The following SEMA3C variants were observed in gnomAD, a reference collection of about 807,000 sequenced individuals.
The protein encoded by SEMA3C is semaphorin-3C.
A neutral mutation model predicts 89.4 loss-of-function variants in SEMA3C; 47 were observed. The observed-to-expected ratio is 0.53, with a 90% CI of 0.42 to 0.67. The LOEUF is 0.67. SEMA3C is among the 30% of genes least tolerant of loss of function. SEMA3C has a pLI of 0.00. For synonymous variants in SEMA3C, 310 were observed against 320.2 expected, an observed-to-expected ratio of 0.97 and a Z score of 0.34; for missense variants, 839 against 929.1, an observed-to-expected ratio of 0.90 and a Z score of 1.26.
chr7:80,857,451 T>G (rs1270187128), intron 2 of SEMA3C, among the ~76,000 whole-genome samples: 1 of 152,196 alleles, frequency 6.6e-6, no homozygotes, highest in Non-Finnish European at 1.5e-5. Context: ...AATTATATGA[T>G]TCACTGCTAA....
At chr7:80,790,407 GTTAAA>G (rs145674549) in intron 11 of SEMA3C, among the ~76,000 whole-genome samples, 2,381 of 152,192 alleles carry the variant, frequency 0.016, 58 homozygotes, top group Admixed American at 0.068. Flanking sequence ...GATTGGATGT[GTTAAA>G]TTAAATCTGG....
chr7:80,745,373 T>C, intron 17 of SEMA3C, 66 bp from the exon 18 acceptor site: 1 of 1,428,832 alleles, frequency 7.0e-7, no homozygotes, highest in Non-Finnish European at 9.7e-7. Flanking sequence ...ATGACCAACA[T>C]ACACAGAATA....
At chr7:80,801,062 A>T (rs958281487) in intron 9 of SEMA3C, among the ~76,000 whole-genome samples, 1 of 152,120 alleles carries the variant, frequency 6.6e-6, no homozygotes, top group Non-Finnish European at 1.5e-5. Context: ...TGCTAGTAAA[A>T]TAATATTATG....
intron 2 of SEMA3C, among the ~76,000 whole-genome samples, chr7:80,842,808 T>C (rs1790300459): frequency 6.6e-6 from 1 of 152,128 alleles, no homozygotes; most frequent in Non-Finnish European, 1.5e-5. Context: ...TGCCATACAA[T>C]CAGAAGAGCA....
At chr7:80,758,589 T>C (rs1455528851) in intron 14 of SEMA3C, 101 bp from the exon 15 acceptor site, 1 of 1,172,374 alleles carries the variant, frequency 8.5e-7, no homozygotes, top group Non-Finnish European at 1.2e-6. Flanking sequence ...CTTGGATTCA[T>C]TTTGGAACCG....
Position 80,918,849 on chromosome 7 carries a change from C to G in SEMA3C, c.-60G>C. ...TTACCGAGGTTGAAAGAAATCAGCA[C>G]GGAAAAGTCATCAGTTTGCTACCGG... On this transcript the variant is annotated 5_prime_UTR_variant, in exon 1 of 18. Transcript: ENST00000265361. 1 of 985,460 alleles carries G rather than the reference C, an allele frequency of 1.0e-6. No homozygotes were observed. The highest frequency in any genetic ancestry group is 1.1e-4 in the East Asian group (1 of 8,814). 61.0% of individuals were successfully genotyped at this position (985,460 alleles called of 1,614,324 possible).
At chr7:80,813,013 C>A (rs1301628827) in intron 5 of SEMA3C, among the ~76,000 whole-genome samples, 1 of 149,818 alleles carries the variant, frequency 6.7e-6, no homozygotes, top group African/African-American at 2.5e-5. Flanking sequence ...CGCCATGTTC[C>A]CCGGGCTGGT....
chr7:80,754,667 C>T (rs1413866448), intron 15 of SEMA3C, among the ~76,000 whole-genome samples: 1 of 152,104 alleles, frequency 6.6e-6, no homozygotes. Context: ...ATATGCTAGT[C>T]AAAGATAAAT....
At chr7:80,842,436 T>G (rs1189468736) in intron 2 of SEMA3C, among the ~76,000 whole-genome samples, 1 of 152,132 alleles carries the variant, frequency 6.6e-6, no homozygotes, top group Non-Finnish European at 1.5e-5. Context: ...TAGCAGAATA[T>G]GAGACTCAAA....
At chr7:80,802,569 A>G in intron 9 of SEMA3C, 96 bp downstream of exon 9, 1 of 708,498 alleles carries the variant, frequency 1.4e-6, no homozygotes, top group Non-Finnish European at 2.3e-6. Context: ...TTATGCTGAA[A>G]ATATGGAAAG....
intron 2 of SEMA3C, among the ~76,000 whole-genome samples, chr7:80,880,733 T>G (rs1791315230): frequency 6.6e-6 from 1 of 152,118 alleles, no homozygotes; most frequent in Admixed American, 6.5e-5. Context: ...CAGATCAGCC[T>G]GGCCACCATG....
chr7:80,816,186 T>G (rs1292360526), intron 5 of SEMA3C: 1 of 152,146 alleles, frequency 6.6e-6, no homozygotes, highest in Non-Finnish European at 1.5e-5. Flanking sequence ...CAAAAGCATG[T>G]GATGCTCCAA....
At chr7:80,781,825 C>G (rs1788697415) in intron 12 of SEMA3C, among the ~76,000 whole-genome samples, 1 of 152,122 alleles carries the variant, frequency 6.6e-6, no homozygotes, top group Non-Finnish European at 1.5e-5. Context: ...GGGATGTGGT[C>G]TGACTGTAAT....
At position 80,918,880 on chromosome 7, in the gene SEMA3C, G is replaced by A. The variant is rs1417805262; in HGVS notation, c.-91C>T. ...AGTCATCAGTTTGCTACCGGGGTTG[G>A]ATGCGCTTGTGTCTCCAGTCCTTTT... is the stretch of plus-strand genomic sequence containing the variant. On this transcript the variant is annotated 5_prime_UTR_variant, in exon 1 of 18. Transcript: ENST00000265361. The A allele has an allele frequency of 1.0e-6, 1 of 985,344 alleles. No individual in the cohort carries two copies. The highest frequency in any genetic ancestry group is 1.2e-6 in the Non-Finnish European group (1 of 829,952). The allele number at this position is 985,344 out of a possible 1,614,324, so 61.0% of individuals were successfully genotyped here.
intron 2 of SEMA3C, among the ~76,000 whole-genome samples, chr7:80,843,050 G>A (rs771785250): frequency 1.1e-4 from 16 of 152,096 alleles, no homozygotes; most frequent in Non-Finnish European, 1.8e-4. Flanking sequence ...TAGGAGGGGC[G>A]TGTGGGTGGG....
At position 80,744,867 on chromosome 7, in the gene SEMA3C, G is replaced by T; in HGVS notation, c.*27C>A. 1.2e-6 allele frequency: 2 copies of T among 1,611,626 alleles called. No homozygotes were observed. Among genetic ancestry groups the T allele is most frequent in the Non-Finnish European group, 1.7e-6 (2 of 1,178,300 alleles). On this transcript the variant is annotated 3_prime_UTR_variant, in exon 18 of 18. Coordinates refer to ENST00000265361, the MANE Select transcript of SEMA3C (RefSeq NM_006379.5). ...ATTGAAGACAGAGCATTTGTTAATG[G>T]AAGCATAAGACCCACATAAGAAAAT...
upstream of SEMA3C, chr7:80,919,278 C>A: frequency 1.0e-6 from 1 of 984,032 alleles, no homozygotes; most frequent in Non-Finnish European, 1.2e-6. Context: ...TTAGAGCTCG[C>A]GGCTGGCCAG....
upstream of SEMA3C, chr7:80,922,352 T>C (rs1792424839): frequency 4.1e-6 from 5 of 1,207,452 alleles, no homozygotes; most frequent in South Asian, 6.3e-5. Context: ...TTAAGTTTCC[T>C]GAACTGTATC....
chr7:80,773,448 C>G (rs1788478855), intron 12 of SEMA3C, among the ~76,000 whole-genome samples: 1 of 152,070 alleles, frequency 6.6e-6, no homozygotes, highest in Non-Finnish European at 1.5e-5. Flanking sequence ...GACCATTAAC[C>G]ATGATGGAGT....
Sources: gnomAD v4.1 joint callset for allele counts (sites outside exome capture counted in the v4.1 genomes callset) on GRCh38, gnomAD v4.1.1 for gene constraint, MANE v1.5 for transcripts, NCBI Gene and HGNC (gene_info 2026-07-23, HGNC 2026-07-21) for gene names.